Variants in ZHX2 observed in about 807,000 individuals in gnomAD.
ZHX2 encodes the protein zinc fingers and homeoboxes 2.
Under a neutral mutation model 21.9 loss-of-function variants are expected in ZHX2, and 6 were observed. That is an observed-to-expected ratio of 0.27 (90% CI 0.15 to 0.54). ZHX2 has a LOEUF of 0.54. ZHX2 is among the 20% of genes least tolerant of loss of function. The pLI is 0.95. For missense variants in ZHX2, 908 were observed against 1,090.7 expected (o/e 0.83, Z 2.36); for synonymous variants, 434 against 437.1 (o/e 0.99, Z 0.09).
At chr8:122,850,995 T>C (rs1256494915) in intron 1 of ZHX2, among the ~76,000 whole-genome samples, 1 of 152,136 alleles carries the variant, frequency 6.6e-6, no homozygotes, top group Non-Finnish European at 1.5e-5. Flanking sequence ...GCTGGCTGTG[T>C]TCTCAGCCTA....
At chr8:122,954,134 G>A in intron 3 of ZHX2, 106 bp downstream of exon 3, 2 of 1,024,448 alleles carry the variant, frequency 2.0e-6, no homozygotes. Context: ...GACACAGATG[G>A]TGGCGTCTTT....
At chr8:122,888,083 G>A (rs1563769214) in intron 2 of ZHX2, among the ~76,000 whole-genome samples, 2 of 152,094 alleles carry the variant, frequency 1.3e-5, no homozygotes, top group African/African-American at 4.8e-5. Flanking sequence ...CCTTCTCCAG[G>A]GGTATTCCCT....
intron 1 of ZHX2, among the ~76,000 whole-genome samples, chr8:122,785,518 G>A (rs1482806900): frequency 1.3e-5 from 2 of 152,228 alleles, no homozygotes; most frequent in African/African-American, 4.8e-5. Context: ...ACCCAGTACA[G>A]CTTCACTGCT....
chr8:122,803,762 C>T (rs994246717), intron 1 of ZHX2, among the ~76,000 whole-genome samples: 1 of 152,244 alleles, frequency 6.6e-6, no homozygotes, highest in African/African-American at 2.4e-5. Flanking sequence ...AGTGCTCCCC[C>T]TGGCAGCTCA....
chr8:122,935,831 G>A (rs554126040), intron 2 of ZHX2, among the ~76,000 whole-genome samples: 2 of 152,228 alleles, frequency 1.3e-5, no homozygotes, highest in South Asian at 2.1e-4. Flanking sequence ...CACCACGCCC[G>A]GCCGAGAGTC....
At position 122,952,724 on chromosome 8, in the gene ZHX2, A is replaced by G; in HGVS notation, c.1214A>G (p.Gln405Arg). ...GTGGCAGGAGTCACCAACCATGGCCAGAAGAGACCCTTGGTGACTCCCCAA... is the reference window on the plus strand; with the variant it reads ...GTGGCAGGAGTCACCAACCATGGCCGGAAGAGACCCTTGGTGACTCCCCAA... Reference protein sequence around the residue: ...LAVAGVTNHGQKRPLVTPQAA... With the variant: ...LAVAGVTNHGRKRPLVTPQAA... The change falls in exon 3 of 4, where the codon CAG (glutamine) becomes CGG (arginine). Residue 405 changes from glutamine (Q) to arginine (R), a missense_variant. Coordinates refer to ENST00000314393, the MANE Select transcript of ZHX2 (RefSeq NM_014943.5). The surrounding 1 kb of genome is among the most constrained non-coding windows in gnomAD (Gnocchi z 6.9). 1 of 1,614,110 alleles carries G rather than the reference A, an allele frequency of 6.2e-7. No individual in the cohort carries two copies. The highest frequency in any genetic ancestry group is 8.5e-7 in the Non-Finnish European group (1 of 1,180,004).
In ZHX2 at chr8:122,911,256, G is replaced by A. The variant is rs139126346; in HGVS notation, c.-219-40036G>A. Among the ~76,000 whole-genome samples the A allele has an allele frequency of 5.4e-3, 817 of 151,530 alleles. 2 individuals carry two copies. Among genetic ancestry groups the A allele is most frequent in the Middle Eastern group, 0.031 (9 of 292 alleles). ...TCGTCTTCCCTGGTGGTTCCCGGGG[G>A]TGGAAGGGGGCTTTGCCAAGATGAG... On this transcript the variant is annotated intron_variant, in intron 2 of 3. Transcript: ENST00000314393.
chr8:122,899,932 T>A (rs373322115), intron 2 of ZHX2, among the ~76,000 whole-genome samples: 4 of 152,352 alleles, frequency 2.6e-5, no homozygotes, highest in South Asian at 4.1e-4. Context: ...CAGAGCCCAG[T>A]TAAAACTCAC....
At chr8:122,921,114 C>G (rs1820727878) in intron 2 of ZHX2, among the ~76,000 whole-genome samples, 1 of 152,010 alleles carries the variant, frequency 6.6e-6, no homozygotes, top group Non-Finnish European at 1.5e-5. Context: ...GAGTCTCACT[C>G]TGTCGCCCAG....
intron 2 of ZHX2, among the ~76,000 whole-genome samples, chr8:122,878,487 G>C (rs115000349): frequency 0.011 from 1,729 of 152,262 alleles, 33 homozygotes; most frequent in African/African-American, 0.039. Context: ...ACAGGGGTGA[G>C]TTGACAAAGC....
chr8:122,870,245 G>A (rs117662473), intron 2 of ZHX2, among the ~76,000 whole-genome samples: 1,565 of 152,268 alleles, frequency 0.01, 13 homozygotes, highest in Non-Finnish European at 0.019. Context: ...CTCAGGTGCC[G>A]TGCTCAGGAT....
At chr8:122,848,027 AG>A (rs1818792903) in intron 1 of ZHX2, among the ~76,000 whole-genome samples, 1 of 152,228 alleles carries the variant, frequency 6.6e-6, no homozygotes, top group Non-Finnish European at 1.5e-5. Flanking sequence ...AAATAAAGGT[AG>A]AAAGTCCGCC....
chr8:122,866,002 G>A (rs1563759808), intron 2 of ZHX2, among the ~76,000 whole-genome samples: 3 of 152,148 alleles, frequency 2.0e-5, no homozygotes. Flanking sequence ...AGCGGAGGTG[G>A]CCCTGCTATT....
chr8:122,938,982 C>A (rs1812774136), intron 2 of ZHX2, among the ~76,000 whole-genome samples: 1 of 152,178 alleles, frequency 6.6e-6, no homozygotes, highest in African/African-American at 2.4e-5. Flanking sequence ...GCTGGGAGGG[C>A]AGAATCCACA....
At chr8:122,800,758 CAGAGAGAG>C (rs112122226) in intron 1 of ZHX2, among the ~76,000 whole-genome samples, 4 of 150,080 alleles carry the variant, frequency 2.7e-5, no homozygotes, top group Non-Finnish European at 4.4e-5. Context: ...AGGCGGGGGG[CAGAGAGAG>C]AGAGAGAGAG....
chr8:122,788,670 G>A (rs1817450636), intron 1 of ZHX2, among the ~76,000 whole-genome samples: 1 of 152,210 alleles, frequency 6.6e-6, no homozygotes, highest in Non-Finnish European at 1.5e-5. Flanking sequence ...TTCAAACTCA[G>A]CTCAGTCTGA....
At chr8:122,956,439 G>A (rs1435665815) in intron 3 of ZHX2, among the ~76,000 whole-genome samples, 1 of 152,158 alleles carries the variant, frequency 6.6e-6, no homozygotes, top group East Asian at 1.9e-4. Flanking sequence ...TCTGGGTCAG[G>A]GCTCAGAGGA....
chr8:122,969,443 T>A (rs1813666380), intron 3 of ZHX2, among the ~76,000 whole-genome samples: 1 of 152,166 alleles, frequency 6.6e-6, no homozygotes, highest in African/African-American at 2.4e-5. Flanking sequence ...AAACTTTATG[T>A]TTGTTACTGG....
At chr8:122,949,527 T>TA (rs1176800836) in intron 2 of ZHX2, among the ~76,000 whole-genome samples, 2 of 151,904 alleles carry the variant, frequency 1.3e-5, no homozygotes, top group African/African-American at 4.8e-5. Context: ...TTATTGTCAA[T>TA]CAAGAAAAGC....
Sources: allele counts gnomAD v4.1 joint callset (sites outside exome capture counted in the v4.1 genomes callset), GRCh38; gene constraint gnomAD v4.1.1; non-coding constraint Gnocchi (gnomAD v3.1); transcripts MANE v1.5; gene names NCBI Gene and HGNC (gene_info 2026-07-23, HGNC 2026-07-21).